The following CEP152 variants were observed in gnomAD, a reference collection of about 807,000 sequenced individuals.
The protein encoded by CEP152 is centrosomal protein 152.
Under a neutral mutation model 188.9 loss-of-function variants are expected in CEP152, and 132 were observed. That is an observed-to-expected ratio of 0.70 (90% confidence interval 0.61 to 0.81). The LOEUF (loss-of-function observed/expected upper bound fraction) is 0.81. Among genes scored for constraint, CEP152 ranks in the 30% least tolerant of loss-of-function variants. CEP152 has a pLI of 0.00. For missense variants in CEP152, 1,914 were observed against 1,969.8 expected (o/e 0.97, Z 0.54); for synonymous variants, 649 against 666.6 (o/e 0.97, Z 0.41).
intron 12 of CEP152, among the ~76,000 whole-genome samples, 182 bp downstream of exon 12, chr15:48,781,014 G>C (rs1008910551): frequency 4.6e-5 from 7 of 152,276 alleles, no homozygotes; most frequent in Non-Finnish European, 8.8e-5. Context: ...GTCATAGTAA[G>C]GTTTCTAGGA....
At chr15:48,782,426 G>A (rs1374107608) in intron 10 of CEP152, among the ~76,000 whole-genome samples, 196 bp from the exon 11 acceptor site, 1 of 152,140 alleles carries the variant, frequency 6.6e-6, no homozygotes, top group African/African-American at 2.4e-5. Context: ...ATTTAGTATG[G>A]CATCCCATAT....
chr15:48,744,752 A>G, intron 23 of CEP152, 144 bp downstream of exon 23: 1 of 746,150 alleles, frequency 1.3e-6, no homozygotes, highest in Non-Finnish European at 2.1e-6. Flanking sequence ...ACTAGAGGGT[A>G]TCTTCAGGAA....
At chr15:48,749,813 T>C (rs1893746259) in intron 21 of CEP152, among the ~76,000 whole-genome samples, 1 of 151,930 alleles carries the variant, frequency 6.6e-6, no homozygotes, top group Non-Finnish European at 1.5e-5. Flanking sequence ...CAGCTGACCC[T>C]AGACAAACGT....
intron 9 of CEP152, among the ~76,000 whole-genome samples, chr15:48,784,422 A>T (rs2140853641): frequency 6.6e-6 from 1 of 152,372 alleles, no homozygotes; most frequent in African/African-American, 2.4e-5. Context: ...GATTTTATTC[A>T]AGCCAAAGAA....
chr15:48,784,016 A>G lies in CEP152; in HGVS notation c.1278T>C (p.Ser426=), dbSNP rs1489021248. ...KTEIINKLTR[S]LEESQKQCAH... is the part of the protein sequence containing the mutation. Reference sequence around the variant, plus strand: ...CACACTGCTTTTGACTCTCCTCTAGACTTCTTGTCAACTTATTAATGATCT... The same window carrying G: ...CACACTGCTTTTGACTCTCCTCTAGGCTTCTTGTCAACTTATTAATGATCT... Residue 426 remains serine (S), a synonymous_variant, in exon 10 of 27, where the codon AGT becomes AGC. Transcript: ENST00000380950. The G allele has an allele frequency of 6.2e-7, 1 of 1,613,550 alleles. No individual in the cohort carries two copies. Among genetic ancestry groups the G allele is most frequent in the Non-Finnish European group, 8.5e-7 (1 of 1,179,902 alleles).
chr15:48,789,461 GCA>G, intron 8 of CEP152: 1 of 208,810 alleles, frequency 4.8e-6, no homozygotes, highest in Non-Finnish European at 9.8e-6. Flanking sequence ...AGCTGTAACT[GCA>G]CAGTTGGTAT....
rs544057770 is a variant in CEP152, at chr15:48,803,488, C to A, written c.87+2075G>T. Among the ~76,000 whole-genome samples the A allele has an allele frequency of 8.5e-5, 13 of 152,244 alleles. No individual in the cohort carries two copies. The Middle Eastern group carries it at 0.01, about 120-fold the overall frequency. On this transcript the variant is annotated intron_variant, in intron 2 of 26. Transcript: ENST00000380950. ...TCTCATCTCACTTTTTCCCTTGCAG[C>A]AATTATTTTTTAAAGTAAAAATATT...
At chr15:48,755,735 G>T (rs567186672) in intron 20 of CEP152, among the ~76,000 whole-genome samples, 168 bp downstream of exon 20, 1 of 151,898 alleles carries the variant, frequency 6.6e-6, no homozygotes, top group Middle Eastern at 3.2e-3. Context: ...TTTTGGCAAC[G>T]AAACATGCAA....
chr15:48,782,284 T>G (rs1567013432), intron 10 of CEP152, 54 bp from the exon 11 acceptor site: 1 of 1,470,254 alleles, frequency 6.8e-7, no homozygotes, highest in Non-Finnish European at 9.5e-7. Flanking sequence ...GACAAAGTGC[T>G]TATGATCTAC....
chr15:48,783,966 C>T lies in CEP152; in HGVS notation c.1321+7G>A. The stretch of plus-strand genomic sequence containing the variant: ...CTGGGGAGACAGTGGACCTACCAGA[C>T]ACCTACCGGACTGCAACAAGTGGGC... On this transcript the variant is annotated splice_region_variant and intron_variant, in intron 10 of 26. Coordinates refer to ENST00000380950, the MANE Select transcript of CEP152 (RefSeq NM_001194998.2). 6.2e-7 allele frequency: 1 copy of T among 1,613,702 alleles called. No individual in the cohort carries two copies. The highest frequency in any genetic ancestry group is 1.3e-5 in the African/African-American group (1 of 74,958).
chr15:48,768,175 A>C (rs1595642022), intron 15 of CEP152, 44 bp downstream of exon 15: 1,075 of 942,666 alleles, frequency 1.1e-3, no homozygotes, highest in Non-Finnish European at 1.7e-3. Flanking sequence ...TTAGAGGGGA[A>C]GGGTACCCAG....
intron 2 of CEP152, among the ~76,000 whole-genome samples, chr15:48,731,567 C>G (rs902025088): frequency 7.2e-5 from 11 of 151,894 alleles, no homozygotes; most frequent in Admixed American, 1.3e-4. Flanking sequence ...ATGTAAAACC[C>G]AAAACCATAA....
chr15:48,757,770 A>G (rs1894383711), intron 19 of CEP152, among the ~76,000 whole-genome samples: 1 of 152,226 alleles, frequency 6.6e-6, no homozygotes, highest in African/African-American at 2.4e-5. Context: ...TTTACAAAAG[A>G]ATTCACTGCA....
In CEP152 at chr15:48,756,095, C is replaced by T; in HGVS notation, c.3153G>A (p.Gly1051=). The T allele has an allele frequency of 6.2e-7, 1 of 1,614,040 alleles. No individual in the cohort carries two copies. The highest frequency in any genetic ancestry group is 8.5e-7 in the Non-Finnish European group (1 of 1,179,964). Residue 1051 remains glycine, a synonymous_variant, in exon 20 of 27, where the codon GGG becomes GGA. Transcript: ENST00000380950. Reference sequence around the variant, plus strand: ...CCTTTTGGGTATCACTTAAAAGAACCCCAAGTACAGTCAGGATGTCTTCCT... The same window carrying T: ...CCTTTTGGGTATCACTTAAAAGAACTCCAAGTACAGTCAGGATGTCTTCCT... ...QYEEDILTVL[G]VLLSDTQKEH...
chr15:48,756,123 T>A lies in CEP152; in HGVS notation c.3125A>T (p.Tyr1042Phe), dbSNP rs953932004. Residue 1042 changes from tyrosine to phenylalanine, a missense_variant, in exon 20 of 27, where the codon TAT (tyrosine) becomes TTT (phenylalanine). Transcript: ENST00000380950. ...AKRIQLEIYQ[Y>F]EEDILTVLGV... ...AAGTACAGTCAGGATGTCTTCCTCATACTGATAGATTTCCAGTTGGATCCG... is the reference window on the plus strand; with the variant it reads ...AAGTACAGTCAGGATGTCTTCCTCAAACTGATAGATTTCCAGTTGGATCCG... 1 of 1,614,138 alleles carries A rather than the reference T, an allele frequency of 6.2e-7. No individual in the cohort carries two copies. The highest frequency in any genetic ancestry group is 8.5e-7 in the Non-Finnish European group (1 of 1,179,982).
chr15:48,782,309 C>T (rs1399219713), intron 10 of CEP152, 79 bp from the exon 11 acceptor site: 1 of 1,206,024 alleles, frequency 8.3e-7, no homozygotes, highest in Non-Finnish European at 1.2e-6. Flanking sequence ...GACTTGAATC[C>T]ACTGAGGCTA....
chr15:48,781,689 G>T (rs879718871), intron 11 of CEP152, among the ~76,000 whole-genome samples: 1 of 152,128 alleles, frequency 6.6e-6, no homozygotes, highest in Non-Finnish European at 1.5e-5. Flanking sequence ...GACAAAGTAC[G>T]CTGGTTTGCC....
chr15:48,729,461 C>T (rs1048972921), intron 2 of CEP152: 1 of 152,182 alleles, frequency 6.6e-6, no homozygotes, highest in East Asian at 1.9e-4. Context: ...CATTTGAACC[C>T]AACAGTTGAA....
chr15:48,736,191 A>G (rs1208892200), downstream of CEP152, among the ~76,000 whole-genome samples: 1 of 152,186 alleles, frequency 6.6e-6, no homozygotes, highest in Non-Finnish European at 1.5e-5. Flanking sequence ...AGATGCCTTC[A>G]CCTAGTAAAC....
Sources: gnomAD v4.1 joint callset for allele counts (sites outside exome capture counted in the v4.1 genomes callset) on GRCh38, gnomAD v4.1.1 for gene constraint, MANE v1.5 for transcripts, NCBI Gene and HGNC (gene_info 2026-07-23, HGNC 2026-07-21) for gene names.